The following ZNF24 variants were observed in gnomAD, a reference collection of about 807,000 sequenced individuals.
ZNF24 encodes the protein zinc finger protein 24, also known as retinoic acid suppression protein A.
ZNF24 carries 11 observed loss-of-function variants against 40.9 expected under a neutral mutation model. That is an observed-to-expected ratio of 0.27 (90% CI 0.17 to 0.45). The LOEUF (loss-of-function observed/expected upper bound fraction) is 0.45, where lower values mean the gene tolerates loss of function less well. Among genes scored for constraint, ZNF24 ranks in the 20% least tolerant of loss-of-function variants. The pLI is 1.00. For synonymous variants in ZNF24, 139 were observed against 154.7 expected (o/e 0.90, Z 0.75); for missense variants, 293 against 437.7 (o/e 0.67, Z 2.95).
In ZNF24 at chr18:35,332,957, C is replaced by T. The variant is rs184057984; in HGVS notation, c.*4275G>A. 14 of 151,946 alleles carry T rather than the reference C, an allele frequency of 9.2e-5. No individual in the cohort carries two copies. Among genetic ancestry groups the T allele is most frequent in the Admixed American group, 3.3e-4 (5 of 15,276 alleles). The allele number at this position is 151,946 out of a possible 1,614,324, so 9.4% of individuals were successfully genotyped here. On this transcript the variant is annotated 3_prime_UTR_variant, in exon 4 of 4. Transcript: ENST00000261332. ...AAAATAAGAAAAGGTTCTTTTTCGC[C>T]CAACAGATAAAAACTATCAAGTGTA...
At chr18:35,338,403 A>G (rs1309779701) in intron 3 of ZNF24, 1 of 985,296 alleles carries the variant, frequency 1.0e-6, no homozygotes, top group Non-Finnish European at 1.2e-6. Flanking sequence ...AGCTTCTCCC[A>G]TGTGGTATTT....
chr18:35,344,141 G>T (rs915109795), intron 1 of ZNF24, among the ~76,000 whole-genome samples: 7 of 152,262 alleles, frequency 4.6e-5, no homozygotes, highest in Non-Finnish European at 7.4e-5. Context: ...GAGGACACAG[G>T]GGGTTAGAGA....
chr18:35,342,883 C>G (rs2044982580), intron 1 of ZNF24, among the ~76,000 whole-genome samples: 1 of 152,200 alleles, frequency 6.6e-6, no homozygotes, highest in South Asian at 2.1e-4. Flanking sequence ...ACTAAGACGA[C>G]AAACCCTATG....
Position 35,340,370 on chromosome 18 carries a change from A to T in ZNF24, c.281T>A (p.Leu94Gln). ...GGCAACAAACTGCTCCAGCACTACC[A>T]GCTCCAAGATTTGTTCTTTTGTGTG... ...ETHTKEQILELVVLEQFVAIL... is the reference protein window; with the variant it reads ...ETHTKEQILEQVVLEQFVAIL... Residue 94 changes from leucine to glutamine, a missense_variant, in exon 2 of 4, where the codon CTG (leucine) becomes CAG (glutamine). Physicochemically the swap from Leu to Gln is moderately radical, Grantham distance 113. Coordinates refer to ENST00000261332, the MANE Select transcript of ZNF24 (RefSeq NM_006965.4). This position sits in a 1 kb window ranked among gnomAD's most constrained non-coding sequence, Gnocchi z 4.6. The T allele has an allele frequency of 1.2e-6, 2 of 1,614,236 alleles. No homozygotes were observed. Among genetic ancestry groups the T allele is most frequent in the Non-Finnish European group, 1.7e-6 (2 of 1,180,044 alleles).
rs936157411 is a variant in ZNF24 at position 35,337,119 on chromosome 18, T to C, written c.*113A>G. 1.2e-6 allele frequency: 1 copy of C among 847,810 alleles called. No individual in the cohort carries two copies. Among genetic ancestry groups the C allele is most frequent in the African/African-American group, 1.7e-5 (1 of 57,456 alleles). 52.5% of individuals were successfully genotyped at this position (847,810 alleles called of 1,614,324 possible). ...AAGATTTTTACATTTCCCAGTGGATTTTCTGACAGTCAATAGGGAAAAAAC... is the reference window on the plus strand; with the variant it reads ...AAGATTTTTACATTTCCCAGTGGATCTTCTGACAGTCAATAGGGAAAAAAC... On this transcript the variant is annotated 3_prime_UTR_variant, in exon 4 of 4. Coordinates refer to ENST00000261332, the MANE Select transcript of ZNF24 (RefSeq NM_006965.4).
chr18:35,340,598 T>C lies in ZNF24; in HGVS notation c.53A>G (p.Asp18Gly), dbSNP rs1424488976. The change falls in exon 2 of 4, where the codon GAT (aspartate) becomes GGT (glycine). Residue 18 changes from aspartate to glycine, a missense_variant. Transcript: ENST00000261332. This position sits in a 1 kb window ranked among gnomAD's most constrained non-coding sequence, Gnocchi z 4.6. ...EDSILIIPTP[D>G]EEEKILRVKL... ...CACTCTCAGAATTTTTTCCTCTTCA[T>C]CTGGAGTTGGGATGATAAGTATTGA... The C allele has an allele frequency of 6.2e-7, 1 of 1,614,182 alleles. No homozygotes were observed.
rs761764825 is a variant in ZNF24 at position 35,337,604 on chromosome 18, G to C, written c.735C>G (p.Pro245=). ...CACATATATGTTGTTTCTTTCGAGA[G>C]GGATTTCTCTTTCTTTCAAACCTGC... is the stretch of plus-strand genomic sequence containing the variant. The part of the protein sequence containing the change: ...PKGRFERKRN[P]SRKKQHICDE... Residue 245 remains proline (P), a synonymous_variant, in exon 4 of 4, where the codon CCC becomes CCG. Transcript: ENST00000261332. 1.5e-5 allele frequency: 25 copies of C among 1,613,942 alleles called. No homozygotes were observed. The highest frequency in any genetic ancestry group is 1.1e-5 in the South Asian group (1 of 91,078).
chr18:35,334,655 C>G lies in ZNF24; in HGVS notation c.*2577G>C, dbSNP rs2143845217. The G allele has an allele frequency of 3.7e-5, 1 of 26,840 alleles. No individual in the cohort carries two copies. The highest frequency in any genetic ancestry group is 0.017 in the Middle Eastern group (1 of 58). 1.7% of individuals were successfully genotyped at this position (26,840 alleles called of 1,614,324 possible). A position where few individuals can be genotyped will look rare whatever the true frequency, so the allele number is the denominator to read the frequency against. ...AACAGATACTCTGGCGATGCCACTG[C>G]TTGGCACTGCCATATCACCACTTCA... is the stretch of plus-strand genomic sequence containing the variant. On this transcript the variant is annotated 3_prime_UTR_variant, in exon 4 of 4. Coordinates refer to ENST00000261332, the MANE Select transcript of ZNF24 (RefSeq NM_006965.4).
At position 35,340,194 on chromosome 18, in the gene ZNF24, G is replaced by C. The variant is rs778862682; in HGVS notation, c.420+37C>G. On this transcript the variant is annotated intron_variant, in intron 2 of 3. Coordinates refer to ENST00000261332, the MANE Select transcript of ZNF24 (RefSeq NM_006965.4). This position sits in a 1 kb window ranked among gnomAD's most constrained non-coding sequence, Gnocchi z 4.6. ...GCAGCTTTGCCTACTACCTATGCCA[G>C]TGCTTCTGACACAGGAAATGACACA... The C allele has an allele frequency of 3.1e-6, 5 of 1,597,828 alleles. No homozygotes were observed. In the East Asian group the frequency reaches 1.1e-4, roughly 36 times the overall value.
At position 35,336,333 on chromosome 18, in the gene ZNF24, A is replaced by C. The variant is rs369361735; in HGVS notation, c.*899T>G. 12 of 152,700 alleles carry C rather than the reference A, an allele frequency of 7.9e-5. No homozygotes were observed. Among genetic ancestry groups the C allele is most frequent in the African/African-American group, 2.6e-4 (11 of 41,578 alleles). The allele number at this position is 152,700 out of a possible 1,614,324, so 9.5% of individuals were successfully genotyped here. The stretch of plus-strand genomic sequence containing the variant: ...TCCTTAACAAAGATGAAGGCAAAAT[A>C]ATGATGAACTCTATCATCTTTTTCT... On this transcript the variant is annotated 3_prime_UTR_variant, in exon 4 of 4. Transcript: ENST00000261332.
rs143735692 is a variant in ZNF24 at position 35,340,135 on chromosome 18, C to T, written c.420+96G>A. The T allele has an allele frequency of 5.1e-3, 7,690 of 1,520,038 alleles. 42 individuals carry two copies. Among genetic ancestry groups the T allele is most frequent in the Non-Finnish European group, 5.5e-3 (6,210 of 1,119,396 alleles). 94.2% of individuals were successfully genotyped at this position (1,520,038 alleles called of 1,614,324 possible). ...AGGGGAATGGGGGAAAAGGCATAAACATAATTCTAACTTAGTTGAGTGGAA... is the reference window on the plus strand; with the variant it reads ...AGGGGAATGGGGGAAAAGGCATAAATATAATTCTAACTTAGTTGAGTGGAA... On this transcript the variant is annotated intron_variant, in intron 2 of 3. Transcript: ENST00000261332. The surrounding 1 kb of genome is among the most constrained non-coding windows in gnomAD (Gnocchi z 4.6).
Position 35,338,628 on chromosome 18 carries a change from T to G in ZNF24, c.569-858A>C, listed in dbSNP as rs1022464374. On this transcript the variant is annotated intron_variant, in intron 3 of 3. Transcript: ENST00000261332. ...CTGCCTTCAGCGAAGAGGAAAACAGTAAATAATTAACAAAAAGATCAAGTC... is the reference window on the plus strand; with the variant it reads ...CTGCCTTCAGCGAAGAGGAAAACAGGAAATAATTAACAAAAAGATCAAGTC... 1.8e-5 allele frequency: 18 copies of G among 1,000,874 alleles called. No homozygotes were observed. In the African/African-American group the frequency reaches 2.8e-4, roughly 15 times the overall value. 62.0% of individuals were successfully genotyped at this position (1,000,874 alleles called of 1,614,324 possible). A position where few individuals can be genotyped will look rare whatever the true frequency, so the allele number is the denominator to read the frequency against.
chr18:35,343,504 A>C (rs988050932), intron 1 of ZNF24, among the ~76,000 whole-genome samples: 2 of 152,178 alleles, frequency 1.3e-5, no homozygotes, highest in African/African-American at 2.4e-5. Context: ...TTCAGGGCCC[A>C]AAATCTGAAC....
In ZNF24 at chr18:35,337,789, G is replaced by A. The variant is rs2044925774; in HGVS notation, c.569-19C>T. On this transcript the variant is annotated intron_variant, in intron 3 of 3. Transcript: ENST00000261332. The stretch of plus-strand genomic sequence containing the variant: ...TCATCATCTGAAATAAACAGAAAAT[G>A]TAAATATCATTCATTATCTATTAAG... The A allele has an allele frequency of 3.9e-6, 6 of 1,519,538 alleles. No individual in the cohort carries two copies. The highest frequency in any genetic ancestry group is 4.4e-6 in the Non-Finnish European group (5 of 1,142,060). The allele number at this position is 1,519,538 out of a possible 1,614,324, so 94.1% of individuals were successfully genotyped here. A position where few individuals can be genotyped will look rare whatever the true frequency, so the allele number is the denominator to read the frequency against.
rs2044953685 is a variant in ZNF24 at position 35,340,149 on chromosome 18, A to G, written c.420+82T>C. ...AAAGGCATAAACATAATTCTAACTTAGTTGAGTGGAATTAATTCAGCAGCT... is the reference window on the plus strand; with the variant it reads ...AAAGGCATAAACATAATTCTAACTTGGTTGAGTGGAATTAATTCAGCAGCT... On this transcript the variant is annotated intron_variant, in intron 2 of 3. Transcript: ENST00000261332. The surrounding 1 kb of genome is among the most constrained non-coding windows in gnomAD (Gnocchi z 4.6). 1 of 1,532,828 alleles carries G rather than the reference A, an allele frequency of 6.5e-7. No homozygotes were observed. Among genetic ancestry groups the G allele is most frequent in the South Asian group, 1.2e-5 (1 of 80,866 alleles). The allele number at this position is 1,532,828 out of a possible 1,614,324, so 95.0% of individuals were successfully genotyped here.
chr18:35,340,158 G>A lies in ZNF24; in HGVS notation c.420+73C>T. Reference sequence around the variant, plus strand: ...AACATAATTCTAACTTAGTTGAGTGGAATTAATTCAGCAGCTTTGCCTACT... The same window carrying A: ...AACATAATTCTAACTTAGTTGAGTGAAATTAATTCAGCAGCTTTGCCTACT... On this transcript the variant is annotated intron_variant, in intron 2 of 3. Transcript: ENST00000261332. This position sits in a 1 kb window ranked among gnomAD's most constrained non-coding sequence, Gnocchi z 4.6. 1.9e-6 allele frequency: 3 copies of A among 1,546,696 alleles called. No individual in the cohort carries two copies. The highest frequency in any genetic ancestry group is 2.6e-6 in the Non-Finnish European group (3 of 1,138,286).
chr18:35,333,732 T>C lies in ZNF24; in HGVS notation c.*3500A>G, dbSNP rs1381296237. 2.0e-5 allele frequency: 3 copies of C among 152,212 alleles called. No homozygotes were observed. Among genetic ancestry groups the C allele is most frequent in the African/African-American group, 7.2e-5 (3 of 41,446 alleles). The allele number at this position is 152,212 out of a possible 1,614,324, so 9.4% of individuals were successfully genotyped here. A position where few individuals can be genotyped will look rare whatever the true frequency, so the allele number is the denominator to read the frequency against. ...GTAGTAGTTTTCAAAACTGCAAATG[T>C]GAAACCTGATCCAATAAATTTCTAG... On this transcript the variant is annotated 3_prime_UTR_variant, in exon 4 of 4. Transcript: ENST00000261332.
In ZNF24 at chr18:35,344,120, T is replaced by C. The variant is rs536579196; in HGVS notation, c.-84+240A>G. Reference sequence around the variant, plus strand: ...ACCGGCCGGTGGGGGAGGGGGAAGGTGAGGGTCTCGGAGGACACAGGGGGT... The same window carrying C: ...ACCGGCCGGTGGGGGAGGGGGAAGGCGAGGGTCTCGGAGGACACAGGGGGT... On this transcript the variant is annotated intron_variant, in intron 1 of 3. Coordinates refer to ENST00000261332, the MANE Select transcript of ZNF24 (RefSeq NM_006965.4). 1.8e-4 allele frequency among the ~76,000 whole-genome samples: 27 copies of C among 151,560 alleles called. No individual in the cohort carries two copies. In the South Asian group the frequency reaches 2.9e-3, roughly 16 times the overall value.
At chr18:35,339,202 T>A in intron 3 of ZNF24, 1 of 620,348 alleles carries the variant, frequency 1.6e-6, no homozygotes, top group Non-Finnish European at 2.8e-6. Context: ...GGCTAATATA[T>A]TGGGAAAGAC....
Sources: allele counts gnomAD v4.1 joint callset (sites outside exome capture counted in the v4.1 genomes callset), GRCh38; gene constraint gnomAD v4.1.1; non-coding constraint Gnocchi (gnomAD v3.1); transcripts MANE v1.5; gene names NCBI Gene and HGNC (gene_info 2026-07-23, HGNC 2026-07-21).